The following CYP4F12 variants were observed in gnomAD, a reference collection of about 807,000 sequenced individuals.
The protein encoded by CYP4F12 is cytochrome P450 4F12.
In CYP4F12, 60 loss-of-function variants were observed where a neutral mutation model predicts 56.5. That is an observed-to-expected ratio of 1.06 (90% CI 0.86 to 1.32). The LOEUF (loss-of-function observed/expected upper bound fraction) is 1.32. Ranked by LOEUF, CYP4F12 falls within the 40% of genes most tolerant of loss-of-function variation. CYP4F12 has a pLI of 0.00. For synonymous variants in CYP4F12, 263 were observed against 264.9 expected, an observed-to-expected ratio of 0.99 and a Z score of 0.07; for missense variants, 711 against 683.5, an observed-to-expected ratio of 1.04 and a Z score of -0.45.
chr19:15,696,784 T>C (rs1034776296), intron 12 of CYP4F12, 124 bp from the exon 13 acceptor site: 24 of 1,321,446 alleles, frequency 1.8e-5, no homozygotes, highest in Non-Finnish European at 2.3e-5. Flanking sequence ...CAGGCACGCT[T>C]AGTCTTTCTC....
intron 7 of CYP4F12, chr19:15,684,027 T>G: frequency 3.4e-6 from 1 of 295,098 alleles, no homozygotes; most frequent in Non-Finnish European, 6.2e-6. Flanking sequence ...TGTATCTATA[T>G]GTCTATGTCT....
In CYP4F12 at chr19:15,696,880, C is replaced by G. The variant is rs746536768; in HGVS notation, c.1398-28C>G. Reference sequence around the variant, plus strand: ...GGGACCCAAATGCGGGTCTTGGGCACAGTCACAGTCCCCACTCCCGCCTGC... The same window carrying G: ...GGGACCCAAATGCGGGTCTTGGGCAGAGTCACAGTCCCCACTCCCGCCTGC... On this transcript the variant is annotated intron_variant, in intron 12 of 12. Transcript: ENST00000550308. The G allele has an allele frequency of 2.5e-6, 4 of 1,590,632 alleles. No individual in the cohort carries two copies. The South Asian group carries it at 4.5e-5, about 18-fold the overall frequency.
In CYP4F12 at chr19:15,680,518, T is replaced by C. The variant is rs749627356; in HGVS notation, c.524T>C (p.Leu175Pro). ...TIFNKSANIM[L>P]DKWQHLASEG... ...TTCAACAAGAGTGCAAACATCATGC[T>C]TGTGAGTCCCTTGAAGTCTGGGTCC... Residue 175 changes from leucine to proline, a missense_variant and splice_region_variant, in exon 5 of 13, where the codon CTT (leucine) becomes CCT (proline). Physicochemically the swap from Leu to Pro is moderately conservative, Grantham distance 98. Transcript: ENST00000550308. 1 of 1,614,034 alleles carries C rather than the reference T, an allele frequency of 6.2e-7. No individual in the cohort carries two copies. Among genetic ancestry groups the C allele is most frequent in the East Asian group, 2.2e-5 (1 of 44,894 alleles).
chr19:15,688,185 C>T (rs1376141271), intron 9 of CYP4F12, among the ~76,000 whole-genome samples: 1 of 152,128 alleles, frequency 6.6e-6, no homozygotes, highest in Non-Finnish European at 1.5e-5. Context: ...GTGTGAGACC[C>T]ACCTTGTGCC....
rs139253757 is a variant in CYP4F12, at chr19:15,696,588, G to T, written c.1397+76G>T. On this transcript the variant is annotated intron_variant, in intron 12 of 12. Transcript: ENST00000550308. The stretch of plus-strand genomic sequence containing the variant: ...TAAAAAAAGGGGGACGTTGCAGATG[G>T]TCCCAGTTCCAGCTCTCCTTCCCTC... 6.6e-4 allele frequency: 982 copies of T among 1,495,054 alleles called. 7 individuals carry two copies. The Admixed American group carries it at 0.014, about 22-fold the overall frequency. 92.6% of individuals were successfully genotyped at this position (1,495,054 alleles called of 1,614,324 possible). A position where few individuals can be genotyped will look rare whatever the true frequency, so the allele number is the denominator to read the frequency against.
In CYP4F12 at chr19:15,695,689, T is replaced by A. The variant is rs190610879; in HGVS notation, c.1116-247T>A. 7.2e-5 allele frequency among the ~76,000 whole-genome samples: 11 copies of A among 152,322 alleles called. No homozygotes were observed. The East Asian group carries it at 1.9e-3, about 27-fold the overall frequency. ...TTTATTTTTATGTGAGTTTGTTAAT[T>A]TTTTACCGCTGGCTTCTGGGTGTTT... On this transcript the variant is annotated intron_variant, in intron 9 of 12. Coordinates refer to ENST00000550308, the MANE Select transcript of CYP4F12 (RefSeq NM_023944.4).
At chr19:15,687,037 G>A (rs562552158) in intron 9 of CYP4F12, among the ~76,000 whole-genome samples, 2 of 152,272 alleles carry the variant, frequency 1.3e-5, no homozygotes, top group African/African-American at 4.8e-5. Flanking sequence ...CAGCACTTTG[G>A]AAGGCCGAGG....
intron 7 of CYP4F12, 107 bp downstream of exon 7, chr19:15,683,870 A>T (rs1304180518): frequency 3.5e-6 from 5 of 1,412,454 alleles, no homozygotes; most frequent in Non-Finnish European, 4.7e-6. Flanking sequence ...GCCATGGAAG[A>T]TGCTTGAGAA....
At chr19:15,690,196 C>T (rs1053019220) in intron 9 of CYP4F12, among the ~76,000 whole-genome samples, 4 of 151,892 alleles carry the variant, frequency 2.6e-5, no homozygotes, top group African/African-American at 7.3e-5. Flanking sequence ...AAAATTAGTT[C>T]GTTTTTATTT....
rs2006923848 is a variant in CYP4F12 at position 15,676,354 on chromosome 19, A to AACTCACTCATTCCTCTCCTC, written c.199-1872_199-1853dup. ...CTCCTCACTCACTCATTCTAATACC[A>AACTCACTCATTCCTCTCCTC]ACTCACTCATTCCTCTCCTCACTCA... is the stretch of plus-strand genomic sequence containing the variant. On this transcript the variant is annotated intron_variant, in intron 2 of 12. Coordinates refer to ENST00000550308, the MANE Select transcript of CYP4F12 (RefSeq NM_023944.4). Among the ~76,000 whole-genome samples the AACTCACTCATTCCTCTCCTC allele has an allele frequency of 3.4e-4, 10 of 29,296 alleles. 1 individual carries two copies. The highest frequency in any genetic ancestry group is 5.4e-4 in the Non-Finnish European group (7 of 12,914). 19.2% of individuals were successfully genotyped at this position (29,296 alleles called of 152,430 possible). A position where few individuals can be genotyped will look rare whatever the true frequency, so the allele number is the denominator to read the frequency against.
At chr19:15,682,622 T>C (rs2007369206) in intron 6 of CYP4F12, 112 bp downstream of exon 6, 3 of 1,495,542 alleles carry the variant, frequency 2.0e-6, no homozygotes, top group Non-Finnish European at 2.8e-6. Context: ...ATTTGTATCA[T>C]AGCTGTGCTT....
chr19:15,678,068 T>C (rs533578312), intron 2 of CYP4F12, among the ~76,000 whole-genome samples, 193 bp from the exon 3 acceptor site: 2 of 24,462 alleles, frequency 8.2e-5, no homozygotes, highest in African/African-American at 1.7e-4. Context: ...ACTCATTCCT[T>C]TCCTCACTCA....
Position 15,677,870 on chromosome 19 carries a change from CCTCA to C in CYP4F12, c.199-382_199-379del, listed in dbSNP as rs575554328. On this transcript the variant is annotated intron_variant, in intron 2 of 12. Coordinates refer to ENST00000550308, the MANE Select transcript of CYP4F12 (RefSeq NM_023944.4). ...TATTCTTCTCCTCACTCATTCCTCT[CCTCA>C]CTCACTCATTCCTCTCCTCACTCAC... Among the ~76,000 whole-genome samples, 152 of 59,314 alleles carry C rather than the reference CCTCA, an allele frequency of 2.6e-3. 56 individuals carry two copies. Among genetic ancestry groups the C allele is most frequent in the African/African-American group, 8.6e-3 (141 of 16,482 alleles). 38.9% of individuals were successfully genotyped at this position (59,314 alleles called of 152,430 possible).
At chr19:15,692,052 T>C (rs2144758152) in intron 9 of CYP4F12, among the ~76,000 whole-genome samples, 1 of 152,200 alleles carries the variant, frequency 6.6e-6, no homozygotes, top group East Asian at 1.9e-4. Flanking sequence ...CCTGCCTCTC[T>C]GGTTCAAGCT....
chr19:15,679,701 C>T (rs1442668087), intron 3 of CYP4F12, among the ~76,000 whole-genome samples: 1 of 152,188 alleles, frequency 6.6e-6, no homozygotes, highest in Non-Finnish European at 1.5e-5. Flanking sequence ...GCTAGGGTCT[C>T]TTTGGAATTG....
At chr19:15,688,158 T>C (rs1008837698) in intron 9 of CYP4F12, among the ~76,000 whole-genome samples, 2 of 152,202 alleles carry the variant, frequency 1.3e-5, no homozygotes, top group African/African-American at 4.8e-5. Context: ...TCCAGTGCTA[T>C]GAGTGGAACA....
chr19:15,682,345 A>G lies in CYP4F12; in HGVS notation c.526-44A>G, dbSNP rs755537923. 3.1e-6 allele frequency: 5 copies of G among 1,605,486 alleles called. No homozygotes were observed. The East Asian group carries it at 6.7e-5, about 22-fold the overall frequency. ...TGTTTGGGACTGGGGAGGGGCACAA[A>G]GGAGGCAGGGCCCAGCTCTAGCTCT... On this transcript the variant is annotated intron_variant, in intron 5 of 12. Coordinates refer to ENST00000550308, the MANE Select transcript of CYP4F12 (RefSeq NM_023944.4).
At chr19:15,696,346 C>T in intron 11 of CYP4F12, 84 bp from the exon 12 acceptor site, 4 of 1,608,338 alleles carry the variant, frequency 2.5e-6, no homozygotes, top group South Asian at 1.1e-5. Context: ...AACATCACCT[C>T]ACCCCAAAAC....
At chr19:15,689,919 C>G (rs597012) in intron 9 of CYP4F12, among the ~76,000 whole-genome samples, 44,308 of 152,040 alleles carry the variant, frequency 0.29, 7,179 homozygotes, top group African/African-American at 0.42. Flanking sequence ...CAAATACATA[C>G]AGAGTGATAT....
Sources: gnomAD v4.1 joint callset for allele counts (sites outside exome capture counted in the v4.1 genomes callset) on GRCh38, gnomAD v4.1.1 for gene constraint, MANE v1.5 for transcripts, NCBI Gene and HGNC (gene_info 2026-07-23, HGNC 2026-07-21) for gene names.